DOCK8: variants seen among roughly 807,000 people sequenced by gnomAD.
DOCK8 encodes dedicator of cytokinesis 8, also known as dedicator of cytokinesis protein 8.
A neutral mutation model predicts 245.6 loss-of-function variants in DOCK8; 141 were observed. That is an observed-to-expected ratio of 0.57 (90% CI 0.50 to 0.66). The LOEUF (loss-of-function observed/expected upper bound fraction) is 0.66. Ranked by LOEUF, DOCK8 falls within the 30% of genes least tolerant of loss-of-function variation. DOCK8 has a pLI of 0.00. For synonymous variants in DOCK8, 1,168 were observed against 970.2 expected, an observed-to-expected ratio of 1.20 and a Z score of -3.79; for missense variants, 2,965 against 2,603.4, an observed-to-expected ratio of 1.14 and a Z score of -3.02.
rs1346273789 is a variant in DOCK8 at position 330,336 on chromosome 9, C to T, written c.1045-2062C>T. 3.3e-5 allele frequency among the ~76,000 whole-genome samples: 5 copies of T among 151,990 alleles called. No homozygotes were observed. The East Asian group carries it at 9.6e-4, about 29-fold the overall frequency. On this transcript the variant is annotated intron_variant, in intron 9 of 47. Transcript: ENST00000432829. Reference sequence around the variant, plus strand: ...AAATATTTCATAAGTTGCGATGGGCCTATCCTTATGTAAGGGCCACATAGT... The same window carrying T: ...AAATATTTCATAAGTTGCGATGGGCTTATCCTTATGTAAGGGCCACATAGT...
At chr9:234,744 C>G (rs1390997101) in intron 1 of DOCK8, among the ~76,000 whole-genome samples, 1 of 152,160 alleles carries the variant, frequency 6.6e-6, no homozygotes, top group Non-Finnish European at 1.5e-5. Context: ...GTTTTCAGCT[C>G]CATCAGGTCC....
chr9:355,570 C>A, intron 14 of DOCK8, among the ~76,000 whole-genome samples: 1 of 152,166 alleles, frequency 6.6e-6, no homozygotes, highest in East Asian at 1.9e-4. Context: ...AATAGCCACT[C>A]CTTGACAGAT....
At chr9:258,859 A>C (rs2047846407) in intron 1 of DOCK8, among the ~76,000 whole-genome samples, 1 of 151,974 alleles carries the variant, frequency 6.6e-6, no homozygotes, top group South Asian at 2.1e-4. Flanking sequence ...TGGCCTCCCA[A>C]AGTGTTGGGA....
intron 1 of DOCK8, among the ~76,000 whole-genome samples, chr9:266,485 G>T (rs748118727): frequency 3.9e-5 from 6 of 152,102 alleles, no homozygotes; most frequent in Non-Finnish European, 7.4e-5. Context: ...TTAAAATACA[G>T]TTTTCCAGGC....
intron 14 of DOCK8, among the ~76,000 whole-genome samples, chr9:354,966 A>G (rs1216728857): frequency 6.6e-6 from 1 of 152,122 alleles, no homozygotes; most frequent in East Asian, 1.9e-4. Flanking sequence ...TCTAGCCCAC[A>G]CTCAAAGGGA....
rs1415595703 is a variant in DOCK8 at position 413,394 on chromosome 9, A to C, written c.3531-1388A>C. 2.6e-5 allele frequency among the ~76,000 whole-genome samples: 4 copies of C among 151,666 alleles called. No homozygotes were observed. In the East Asian group the frequency reaches 7.8e-4, roughly 30 times the overall value. The stretch of plus-strand genomic sequence containing the variant: ...CACTCGAAAGTATGAGTAACAAGAA[A>C]AAAATAGATAACTGGACTTCAGTAA... On this transcript the variant is annotated intron_variant, in intron 28 of 47. Coordinates refer to ENST00000432829, the MANE Select transcript of DOCK8 (RefSeq NM_203447.4).
intron 1 of DOCK8, among the ~76,000 whole-genome samples, chr9:220,503 T>C (rs2046856582): frequency 1.3e-5 from 2 of 152,306 alleles, no homozygotes; most frequent in Admixed American, 6.5e-5. Context: ...AATGGGATGA[T>C]GTTAAAAACA....
chr9:403,953 T>TATATATAC (rs2055276690), intron 26 of DOCK8, among the ~76,000 whole-genome samples: 1 of 90,244 alleles, frequency 1.1e-5, no homozygotes, highest in African/African-American at 6.6e-5. Flanking sequence ...TGTGTATATA[T>TATATATAC]ATATATGTAT....
intron 2 of DOCK8, among the ~76,000 whole-genome samples, chr9:286,033 A>G (rs911893389): frequency 1.3e-5 from 2 of 152,206 alleles, no homozygotes; most frequent in Non-Finnish European, 2.9e-5. Flanking sequence ...ACACTCAGCC[A>G]AGGAGTGTTG....
chr9:216,275 A>C (rs1587596992), intron 1 of DOCK8, among the ~76,000 whole-genome samples: 1 of 152,144 alleles, frequency 6.6e-6, no homozygotes, highest in East Asian at 1.9e-4. Context: ...CACACCTCTA[A>C]TCCCAGCAAT....
At chr9:414,754 C>T (rs1281483189) in intron 28 of DOCK8, 28 bp from the exon 29 acceptor site, 2 of 1,613,956 alleles carry the variant, frequency 1.2e-6, no homozygotes, top group East Asian at 2.2e-5. Context: ...TTCACCATAA[C>T]CTCTTGATTC....
rs886063982 is a variant in DOCK8, at chr9:464,585, C to T, written c.*366C>T. The T allele has an allele frequency of 3.4e-6, 1 of 293,548 alleles. No individual in the cohort carries two copies. Among genetic ancestry groups the T allele is most frequent in the Non-Finnish European group, 6.5e-6 (1 of 153,126 alleles). 18.2% of individuals were successfully genotyped at this position (293,548 alleles called of 1,614,324 possible). ...CCCATATTTGAATTTATTGGAGTAA[C>T]TCAAATTGCCTGAGGAAAAATGGAA... On this transcript the variant is annotated 3_prime_UTR_variant, in exon 48 of 48. Coordinates refer to ENST00000432829, the MANE Select transcript of DOCK8 (RefSeq NM_203447.4).
intron 14 of DOCK8, among the ~76,000 whole-genome samples, chr9:359,265 T>C (rs144073350): frequency 5.2e-4 from 79 of 152,346 alleles, no homozygotes; most frequent in African/African-American, 1.8e-3. Context: ...GTGAGTCTAA[T>C]TGTTGACCAG....
At chr9:284,498 T>G (rs2048726640) in intron 2 of DOCK8, 1 of 152,256 alleles carries the variant, frequency 6.6e-6, no homozygotes, top group Non-Finnish European at 1.5e-5. Flanking sequence ...AGGGGAATGC[T>G]TTGCTCTCAG....
chr9:362,783 C>T (rs2052789771), intron 14 of DOCK8, among the ~76,000 whole-genome samples: 1 of 152,130 alleles, frequency 6.6e-6, no homozygotes, highest in African/African-American at 2.4e-5. Context: ...GAATAATTAA[C>T]AGGGTCCGGT....
Position 464,815 on chromosome 9 carries a change from A to T in DOCK8, c.*596A>T, listed in dbSNP as rs564967540. On this transcript the variant is annotated 3_prime_UTR_variant, in exon 48 of 48. Transcript: ENST00000432829. ...ATGGTGGACTAATTGCTGTATAGTT[A>T]TTTTTGTTTTATTATTACTGTTACA... is the stretch of plus-strand genomic sequence containing the variant. The T allele has an allele frequency of 6.3e-6, 1 of 158,952 alleles. No individual in the cohort carries two copies. Among genetic ancestry groups the T allele is most frequent in the Admixed American group, 5.9e-5 (1 of 16,968 alleles). 9.8% of individuals were successfully genotyped at this position (158,952 alleles called of 1,614,324 possible).
intron 6 of DOCK8, chr9:314,424 G>C (rs193280920): frequency 6.6e-6 from 1 of 152,212 alleles, no homozygotes. Flanking sequence ...TGGTATTAGA[G>C]GGGAGAATGT....
chr9:244,287 C>T (rs1355081801), intron 1 of DOCK8, among the ~76,000 whole-genome samples: 2 of 151,700 alleles, frequency 1.3e-5, no homozygotes, highest in African/African-American at 2.4e-5. Flanking sequence ...CACACACACA[C>T]ACACACGCAC....
At position 247,644 on chromosome 9, in the gene DOCK8, C is replaced by T. The variant is rs913951494; in HGVS notation, c.54-23983C>T. On this transcript the variant is annotated intron_variant, in intron 1 of 47. Transcript: ENST00000432829. ...CGCCTCCCGGGTTCACGCCCTTCTC[C>T]GGCCTCAGCCTCCCGAGTAGCTGGG... is the stretch of plus-strand genomic sequence containing the variant. 2.6e-5 allele frequency among the ~76,000 whole-genome samples: 4 copies of T among 152,220 alleles called. No homozygotes were observed. In the South Asian group the frequency reaches 6.2e-4, roughly 24 times the overall value.
Sources: allele counts gnomAD v4.1 joint callset (sites outside exome capture counted in the v4.1 genomes callset), GRCh38; gene constraint gnomAD v4.1.1; transcripts MANE v1.5; gene names NCBI Gene and HGNC (gene_info 2026-07-23, HGNC 2026-07-21).